Variants in RIMKLB observed in about 807,000 individuals in gnomAD.
RIMKLB encodes the protein ribosomal modification protein rimK like family member B, also known as beta-citrylglutamate synthase B.
Under a neutral mutation model 32.0 loss-of-function variants are expected in RIMKLB, and 7 were observed. The ratio of observed to expected loss-of-function variants is 0.22; its 90% CI spans 0.12 to 0.41. RIMKLB has a LOEUF of 0.41. RIMKLB is among the 10% of genes least tolerant of loss of function. The pLI is 1.00. For missense variants in RIMKLB, 289 were observed against 498.7 expected (o/e 0.58, Z 4.00); for synonymous variants, 172 against 185.1 (o/e 0.93, Z 0.57).
chr12:8,748,395 T>C (rs1948294614), intron 2 of RIMKLB, among the ~76,000 whole-genome samples: 1 of 152,022 alleles, frequency 6.6e-6, no homozygotes, highest in Admixed American at 6.6e-5. Flanking sequence ...AATTAAACTT[T>C]ATCACAGGTA....
At chr12:8,722,038 C>G (rs1380861562) in intron 2 of RIMKLB, among the ~76,000 whole-genome samples, 1 of 152,122 alleles carries the variant, frequency 6.6e-6, no homozygotes, top group Non-Finnish European at 1.5e-5. Flanking sequence ...GCCACCGCGC[C>G]TGGCCTATGA....
chr12:8,745,229 G>A (rs1275958102), intron 2 of RIMKLB, among the ~76,000 whole-genome samples: 3 of 151,850 alleles, frequency 2.0e-5, no homozygotes, highest in African/African-American at 4.9e-5. Context: ...GATTACAGGC[G>A]TGAGCCACTG....
At chr12:8,682,734 T>A (rs1942448648) in intron 1 of RIMKLB, among the ~76,000 whole-genome samples, 1 of 146,034 alleles carries the variant, frequency 6.8e-6, no homozygotes, top group Non-Finnish European at 1.5e-5. Flanking sequence ...ATCGCGCCAC[T>A]GCAGCCCCGC....
rs1950658304 is a variant in RIMKLB, at chr12:8,775,132, T to G, written c.*1348T>G. 1 of 985,680 alleles carries G rather than the reference T, an allele frequency of 1.0e-6. No homozygotes were observed. Among genetic ancestry groups the G allele is most frequent in the African/African-American group, 1.7e-5 (1 of 57,240 alleles). 61.1% of individuals were successfully genotyped at this position (985,680 alleles called of 1,614,324 possible). A position where few individuals can be genotyped will look rare whatever the true frequency, so the allele number is the denominator to read the frequency against. The stretch of plus-strand genomic sequence containing the variant: ...TTTTTTCCTTTTGTTTCTAGCCTGT[T>G]CAGTGTACAGTTTATTCAAGGCTAC... On this transcript the variant is annotated 3_prime_UTR_variant, in exon 6 of 6. Coordinates refer to ENST00000535829, the MANE Select transcript of RIMKLB (RefSeq NM_001297776.2).
intron 1 of RIMKLB, among the ~76,000 whole-genome samples, chr12:8,699,302 G>C (rs1336419153): frequency 6.6e-6 from 1 of 151,964 alleles, no homozygotes; most frequent in Non-Finnish European, 1.5e-5. Context: ...ATATTTATGG[G>C]TGTTCTTAAT....
intron 2 of RIMKLB, among the ~76,000 whole-genome samples, chr12:8,731,227 G>A (rs1946513857): frequency 1.3e-5 from 2 of 151,904 alleles, no homozygotes; most frequent in Admixed American, 1.3e-4. Flanking sequence ...CTCTTGAGTA[G>A]CTGGGATTAC....
At position 8,769,600 on chromosome 12, in the gene RIMKLB, G is replaced by C. The variant is rs558622733; in HGVS notation, c.698-3721G>C. On this transcript the variant is annotated intron_variant, in intron 5 of 5. Coordinates refer to ENST00000535829, the MANE Select transcript of RIMKLB (RefSeq NM_001297776.2). ...TTCTTTTTCTTTTCTAATTTTTGCT[G>C]GTTAGTAAGGTACCATTTTATTTTC... Among the ~76,000 whole-genome samples the C allele has an allele frequency of 5.9e-5, 9 of 151,866 alleles. No individual in the cohort carries two copies. In the South Asian group the frequency reaches 1.5e-3, roughly 25 times the overall value.
At chr12:8,758,024 G>A (rs1949203449) in intron 5 of RIMKLB, among the ~76,000 whole-genome samples, 1 of 151,114 alleles carries the variant, frequency 6.6e-6, no homozygotes, top group African/African-American at 2.4e-5. Context: ...TCGAACTCCT[G>A]GGCTCAAGCT....
intron 1 of RIMKLB, among the ~76,000 whole-genome samples, chr12:8,711,471 C>T (rs1236851206): frequency 6.6e-6 from 1 of 151,778 alleles, no homozygotes; most frequent in Non-Finnish European, 1.5e-5. Context: ...GACATAGCTT[C>T]AGAGTGTTGG....
intron 2 of RIMKLB, among the ~76,000 whole-genome samples, chr12:8,727,230 T>C (rs1466882842): frequency 6.6e-6 from 1 of 152,072 alleles, no homozygotes; most frequent in East Asian, 1.9e-4. Flanking sequence ...TTTGTTGTTG[T>C]TGTTGTTATT....
rs1193061954 is a variant in RIMKLB, at chr12:8,776,710, T to G, written c.*2926T>G. 1 of 985,258 alleles carries G rather than the reference T, an allele frequency of 1.0e-6. No individual in the cohort carries two copies. Among genetic ancestry groups the G allele is most frequent in the Non-Finnish European group, 1.2e-6 (1 of 829,890 alleles). 61.0% of individuals were successfully genotyped at this position (985,258 alleles called of 1,614,324 possible). A position where few individuals can be genotyped will look rare whatever the true frequency, so the allele number is the denominator to read the frequency against. ...TTGGTGCCTATAATTGATTGGTCAT[T>G]TCTGCTGGCTTTTCTCCAATGAACA... On this transcript the variant is annotated 3_prime_UTR_variant, in exon 6 of 6. Transcript: ENST00000535829.
chr12:8,777,584 T>C (rs1460202483), downstream of RIMKLB: 14 of 1,287,916 alleles, frequency 1.1e-5, no homozygotes, highest in Admixed American at 3.2e-4. Flanking sequence ...TACTGTTCTT[T>C]ACCAGCCTTT....
upstream of RIMKLB, among the ~76,000 whole-genome samples, chr12:8,695,988 C>T (rs1180270769): frequency 3.3e-5 from 5 of 152,190 alleles, no homozygotes; most frequent in East Asian, 9.6e-4. Context: ...CCACCGCGCC[C>T]TGCCCTGAAT....
intron 3 of RIMKLB, among the ~76,000 whole-genome samples, chr12:8,751,365 G>A (rs1948607087): frequency 6.6e-6 from 1 of 152,110 alleles, no homozygotes; most frequent in Non-Finnish European, 1.5e-5. Context: ...TGTAGCTACA[G>A]TCTATTTTTG....
chr12:8,706,202 C>A (rs1030805246), intron 1 of RIMKLB, among the ~76,000 whole-genome samples: 10 of 152,018 alleles, frequency 6.6e-5, no homozygotes, highest in Admixed American at 6.6e-4. Flanking sequence ...TGCAATGGTG[C>A]GATCTCAGCT....
intron 1 of RIMKLB, among the ~76,000 whole-genome samples, chr12:8,682,747 G>T (rs1025391561): frequency 2.0e-5 from 3 of 151,238 alleles, no homozygotes; most frequent in African/African-American, 4.9e-5. Context: ...AGCCCCGCCG[G>T]GGGGGAGGGA....
At chr12:8,688,352 T>C (rs946291431) in intron 1 of RIMKLB, among the ~76,000 whole-genome samples, 18 of 151,726 alleles carry the variant, frequency 1.2e-4, no homozygotes, top group Non-Finnish European at 2.4e-4. Flanking sequence ...TAGAAGAAAA[T>C]ATGGGGGCAA....
At chr12:8,723,909 G>A (rs907509243) in intron 2 of RIMKLB, among the ~76,000 whole-genome samples, 2 of 143,856 alleles carry the variant, frequency 1.4e-5, no homozygotes, top group African/African-American at 5.1e-5. Context: ...CTTGCCTCCT[G>A]GGCTCAAGCA....
At chr12:8,751,534 GAA>G (rs1428310916) in intron 3 of RIMKLB, among the ~76,000 whole-genome samples, 3 of 152,156 alleles carry the variant, frequency 2.0e-5, no homozygotes, top group Non-Finnish European at 2.9e-5. Context: ...AATAAAAAGA[GAA>G]TGTGTCAGTG....
Sources: gnomAD v4.1 joint callset for allele counts (sites outside exome capture counted in the v4.1 genomes callset) on GRCh38, gnomAD v4.1.1 for gene constraint, MANE v1.5 for transcripts, NCBI Gene and HGNC (gene_info 2026-07-23, HGNC 2026-07-21) for gene names.